Variants in KDM4C observed in about 807,000 individuals in gnomAD.
KDM4C encodes the protein lysine-specific demethylase 4C.
KDM4C carries 81 observed loss-of-function variants against 129.3 expected under a neutral mutation model. That is an observed-to-expected ratio of 0.63 (90% CI 0.52 to 0.75). The LOEUF is 0.75. Among genes scored for constraint, KDM4C ranks in the 30% least tolerant of loss-of-function variants. The pLI is 0.00. For synonymous variants in KDM4C, 573 were observed against 456.1 expected (o/e 1.26, Z -3.26); for missense variants, 1,457 against 1,304.0 (o/e 1.12, Z -1.81).
chr9:7,160,616 G>T (rs1454990537), intron 19 of KDM4C, among the ~76,000 whole-genome samples: 1 of 152,192 alleles, frequency 6.6e-6, no homozygotes, highest in Non-Finnish European at 1.5e-5. Flanking sequence ...GGAGTTTGCT[G>T]GAGGTCCACT....
At chr9:6,924,496 A>C (rs904339340) in intron 8 of KDM4C, among the ~76,000 whole-genome samples, 1 of 152,110 alleles carries the variant, frequency 6.6e-6, no homozygotes, top group Non-Finnish European at 1.5e-5. Flanking sequence ...CTCTGTCCTT[A>C]GTTTGGGGAA....
At chr9:6,828,305 G>A (rs1177773311) in intron 4 of KDM4C, among the ~76,000 whole-genome samples, 2 of 151,944 alleles carry the variant, frequency 1.3e-5, no homozygotes, top group East Asian at 1.9e-4. Flanking sequence ...CCACCACAAC[G>A]CCCGGCTAAT....
In KDM4C at chr9:6,770,173, C is replaced by T. The variant is rs973238527; in HGVS notation, c.-18+11970C>T. Among the ~76,000 whole-genome samples, 4 of 151,076 alleles carry T rather than the reference C, an allele frequency of 2.6e-5. No individual in the cohort carries two copies. The East Asian group carries it at 7.8e-4, about 29-fold the overall frequency. ...TAGCCTGGGCAACGAGAGTGAAACT[C>T]CATCTCAAAAAGGAAAAACAAAACA... On this transcript the variant is annotated intron_variant, in intron 1 of 21. Coordinates refer to ENST00000381309, the MANE Select transcript of KDM4C (RefSeq NM_015061.6).
At chr9:7,031,162 A>T (rs1203351456) in intron 15 of KDM4C, among the ~76,000 whole-genome samples, 4 of 114,638 alleles carry the variant, frequency 3.5e-5, no homozygotes, top group African/African-American at 1.6e-4. Flanking sequence ...TTATTTATTT[A>T]TTTATTTATG....
At chr9:6,949,719 G>A (rs982044804) in intron 8 of KDM4C, among the ~76,000 whole-genome samples, 4 of 152,222 alleles carry the variant, frequency 2.6e-5, no homozygotes, top group African/African-American at 9.6e-5. Context: ...GCGCGCGCCT[G>A]CAATCGCAGG....
At chr9:7,036,793 G>A (rs1827726417) in intron 15 of KDM4C, among the ~76,000 whole-genome samples, 1 of 152,192 alleles carries the variant, frequency 6.6e-6, no homozygotes, top group Non-Finnish European at 1.5e-5. Flanking sequence ...AGTCAACTGT[G>A]AGGGCAGGAT....
At chr9:6,949,209 C>T (rs1190307971) in intron 8 of KDM4C, among the ~76,000 whole-genome samples, 6 of 139,830 alleles carry the variant, frequency 4.3e-5, no homozygotes, top group East Asian at 4.4e-4. Flanking sequence ...ACTTCTCAGA[C>T]GGGGCGGCCG....
At chr9:7,101,852 C>G (rs1489926931) in intron 17 of KDM4C, among the ~76,000 whole-genome samples, 2 of 152,138 alleles carry the variant, frequency 1.3e-5, no homozygotes, top group African/African-American at 2.4e-5. Context: ...ACACTGACCT[C>G]TATGTTGTAT....
At chr9:7,163,878 A>G (rs747161762) in intron 19 of KDM4C, among the ~76,000 whole-genome samples, 4 of 152,040 alleles carry the variant, frequency 2.6e-5, no homozygotes, top group African/African-American at 9.7e-5. Flanking sequence ...CGAGCAAACT[A>G]TTTTTTTCTT....
chr9:7,014,143 G>C (rs1412213137), intron 14 of KDM4C, 142 bp downstream of exon 14: 1 of 655,914 alleles, frequency 1.5e-6, no homozygotes, highest in East Asian at 2.7e-5. Context: ...TCATATTTCT[G>C]CTGGTAAAAG....
chr9:7,032,072 G>A (rs1297517342), intron 15 of KDM4C, among the ~76,000 whole-genome samples: 1 of 152,170 alleles, frequency 6.6e-6, no homozygotes, highest in Admixed American at 6.5e-5. Flanking sequence ...TGTGAACCAC[G>A]AAGCTCCAAC....
chr9:6,869,844 T>A (rs1842595067), intron 5 of KDM4C, among the ~76,000 whole-genome samples: 1 of 152,268 alleles, frequency 6.6e-6, no homozygotes, highest in Admixed American at 6.5e-5. Flanking sequence ...CACGTTCATC[T>A]GTTTTTAAGA....
At chr9:6,796,969 T>A (rs1402267370) in intron 2 of KDM4C, among the ~76,000 whole-genome samples, 1 of 151,004 alleles carries the variant, frequency 6.6e-6, no homozygotes, top group Non-Finnish European at 1.5e-5. Context: ...GAGCCACCCA[T>A]GATGTTCTTT....
intron 12 of KDM4C, among the ~76,000 whole-genome samples, chr9:6,994,807 A>T (rs1819398205): frequency 6.6e-6 from 1 of 152,332 alleles, no homozygotes; most frequent in African/African-American, 2.4e-5. Flanking sequence ...GTGATAAATT[A>T]TATATTTAAT....
chr9:6,825,519 A>G (rs1302273240), intron 4 of KDM4C, among the ~76,000 whole-genome samples: 2 of 152,218 alleles, frequency 1.3e-5, no homozygotes, highest in African/African-American at 4.8e-5. Context: ...GAAAGAACGA[A>G]TCACCTTCAG....
chr9:7,015,658 T>C (rs1430076598), intron 14 of KDM4C, among the ~76,000 whole-genome samples, 195 bp from the exon 15 acceptor site: 1 of 152,234 alleles, frequency 6.6e-6, no homozygotes, highest in East Asian at 1.9e-4. Flanking sequence ...AGATGTTCCA[T>C]AAGTATTCAC....
chr9:6,917,264 T>A lies in KDM4C; in HGVS notation c.921+24032T>A, dbSNP rs1196875522. 3.2e-5 allele frequency among the ~76,000 whole-genome samples: 4 copies of A among 123,306 alleles called. No individual in the cohort carries two copies. In the East Asian group the frequency reaches 9.7e-4, roughly 30 times the overall value. The allele number at this position is 123,306 out of a possible 152,430, so 80.9% of individuals were successfully genotyped here. On this transcript the variant is annotated intron_variant, in intron 8 of 21. Coordinates refer to ENST00000381309, the MANE Select transcript of KDM4C (RefSeq NM_015061.6). ...CATATTCTCAGTTTCAGGCATGCCT[T>A]CCTCTGATCTACACCACCTGTCTCT...
intron 18 of KDM4C, among the ~76,000 whole-genome samples, chr9:7,111,438 T>C (rs1838304580): frequency 6.6e-6 from 1 of 152,208 alleles, no homozygotes; most frequent in Non-Finnish European, 1.5e-5. Flanking sequence ...GGATGAGAGA[T>C]GTGCAACCTG....
At chr9:7,031,168 TTATG>T (rs142715829) in intron 15 of KDM4C, among the ~76,000 whole-genome samples, 8,724 of 78,562 alleles carry the variant, frequency 0.11, 504 homozygotes, top group African/African-American at 0.22. Context: ...ATTTATTTAT[TTATG>T]TATGTTTTGA....
Sources: allele counts gnomAD v4.1 joint callset (sites outside exome capture counted in the v4.1 genomes callset), GRCh38; gene constraint gnomAD v4.1.1; transcripts MANE v1.5; gene names NCBI Gene and HGNC (gene_info 2026-07-23, HGNC 2026-07-21).